Variants in C8orf82 observed in about 807,000 individuals in gnomAD.
The protein encoded by C8orf82 is chromosome 8 open reading frame 82.
In C8orf82, 24 loss-of-function variants were observed where a neutral mutation model predicts 15.0. That is an observed-to-expected ratio of 1.60 (90% CI 1.16 to 2.24). C8orf82 has a LOEUF of 2.24. C8orf82 is among the 30% of genes most tolerant of loss of function. The pLI, the probability that C8orf82 is intolerant of heterozygous loss-of-function variation, is 0.00. For missense variants in C8orf82, 388 were observed against 317.4 expected (o/e 1.22, Z -1.69); for synonymous variants, 205 against 152.2 (o/e 1.35, Z -2.55).
rs879080612 is a variant in C8orf82 at position 144,528,858 on chromosome 8, C to T, written c.59G>A (p.Arg20Gln). The T allele has an allele frequency of 6.6e-6, 10 of 1,518,840 alleles. No individual in the cohort carries two copies. Among genetic ancestry groups the T allele is most frequent in the Non-Finnish European group, 7.9e-6 (9 of 1,135,328 alleles). The allele number at this position is 1,518,840 out of a possible 1,614,324, so 94.1% of individuals were successfully genotyped here. The stretch of plus-strand genomic sequence containing the variant: ...AACGCCCCCATCCCCGCTGCAGGCC[C>T]GGGCTCCCCGCGACCGCGCCAAGGC... ...TLALARSRGARACSGDGGVSY... is the reference protein window; with the variant it reads ...TLALARSRGAQACSGDGGVSY... Residue 20 changes from arginine to glutamine, a missense_variant, in exon 1 of 3, where the codon CGG becomes CAG. Transcript: ENST00000524821.
At chr8:144,527,855 C>G (rs761873643) in intron 2 of C8orf82, 68 bp from the exon 3 acceptor site, 53 of 1,555,934 alleles carry the variant, frequency 3.4e-5, no homozygotes, top group Non-Finnish European at 4.4e-5. Context: ...AGGACCATAC[C>G]GAGGGCAGGC....
chr8:144,527,383 T>TG lies in C8orf82; in HGVS notation c.609dup (p.Met204HisfsTer49). 1 of 1,238,710 alleles carries TG rather than the reference T, an allele frequency of 8.1e-7. No individual in the cohort carries two copies. The highest frequency in any genetic ancestry group is 2.2e-5 in the South Asian group (1 of 45,056). 76.7% of individuals were successfully genotyped at this position (1,238,710 alleles called of 1,614,324 possible). A position where few individuals can be genotyped will look rare whatever the true frequency, so the allele number is the denominator to read the frequency against. Reference sequence around the variant, plus strand: ...GCGAGCAGCAGCGGGGCCAGGTCCATGGTGAGGGCGAGGCGGCGGCCCTGC... The same window carrying TG: ...GCGAGCAGCAGCGGGGCCAGGTCCATGGGTGAGGGCGAGGCGGCGGCCCTGC... On this transcript the variant is annotated frameshift_variant, in exon 3 of 3. Coordinates refer to ENST00000524821, the MANE Select transcript of C8orf82 (RefSeq NM_001001795.2). LOFTEE classifies it high-confidence loss of function.
rs977670700 is a variant in C8orf82 at position 144,527,418 on chromosome 8, T to G, written c.575A>C (p.His192Pro). 8.0e-7 allele frequency: 1 copy of G among 1,244,974 alleles called. No individual in the cohort carries two copies. The highest frequency in any genetic ancestry group is 1.0e-6 in the Non-Finnish European group (1 of 991,650). 77.1% of individuals were successfully genotyped at this position (1,244,974 alleles called of 1,614,324 possible). A position where few individuals can be genotyped will look rare whatever the true frequency, so the allele number is the denominator to read the frequency against. ...GAGGCGGCGGCCCTGCCAGCGCACG[T>G]GCGAGGGCAGCGCAGGCGCGCCGGG... ...YGPGAPALPSHVRWQGRRLAL... is the reference protein window; with the variant it reads ...YGPGAPALPSPVRWQGRRLAL... Residue 192 changes from histidine (H) to proline (P), a missense_variant, in exon 3 of 3, where the codon CAC (histidine) becomes CCC (proline). Transcript: ENST00000524821.
At chr8:144,528,003 G>C (rs1484562332) in intron 2 of C8orf82, 21 bp downstream of exon 2, 2 of 1,611,384 alleles carry the variant, frequency 1.2e-6, no homozygotes, top group South Asian at 2.2e-5. Context: ...GAAGGGGCTG[G>C]AGAGGGAGGC....
rs779683050 is a variant in C8orf82 at position 144,527,579 on chromosome 8, C to A, written c.414G>T (p.Val138=). ...SYCGGGEALA[V]PFEPARLLPL... is the part of the protein sequence containing the mutation. ...GCAGCAGGCGCGCCGGCTCGAAGGGCACGGCCAGGGCCTCGCCACCGCCGC... is the reference window on the plus strand; with the variant it reads ...GCAGCAGGCGCGCCGGCTCGAAGGGAACGGCCAGGGCCTCGCCACCGCCGC... Residue 138 remains valine (V), a synonymous_variant, in exon 3 of 3, where the codon GTG becomes GTT. Transcript: ENST00000524821. 1.1e-5 allele frequency: 17 copies of A among 1,487,282 alleles called. No homozygotes were observed. The highest frequency in any genetic ancestry group is 1.4e-5 in the Non-Finnish European group (16 of 1,124,400). The allele number at this position is 1,487,282 out of a possible 1,614,324, so 92.1% of individuals were successfully genotyped here. A position where few individuals can be genotyped will look rare whatever the true frequency, so the allele number is the denominator to read the frequency against.
In C8orf82 at chr8:144,528,887, G is replaced by A; in HGVS notation, c.30C>T (p.Thr10=). The A allele has an allele frequency of 6.6e-7, 1 of 1,515,062 alleles. No homozygotes were observed. The highest frequency in any genetic ancestry group is 8.8e-7 in the Non-Finnish European group (1 of 1,133,488). 93.9% of individuals were successfully genotyped at this position (1,515,062 alleles called of 1,614,324 possible). Residue 10 remains threonine (T), a synonymous_variant, in exon 1 of 3, where the codon ACC becomes ACT. Coordinates refer to ENST00000524821, the MANE Select transcript of C8orf82 (RefSeq NM_001001795.2). ...CTCCCCGCGACCGCGCCAAGGCCAG[G>A]GTCCGGAGCGTCCCGCAAGGCGGCC... is the stretch of plus-strand genomic sequence containing the variant. MWPPCGTLR[T]LALARSRGAR... is the part of the protein sequence containing the mutation.
At chr8:144,528,709 C>CCAA in intron 1 of C8orf82, 52 bp downstream of exon 1, 2 of 803,948 alleles carry the variant, frequency 2.5e-6, no homozygotes, top group Non-Finnish European at 3.3e-6. Context: ...CCGCCCCGCC[C>CCAA]AGAGACCTCT....
chr8:144,528,943 C>G lies in C8orf82; in HGVS notation c.-27G>C, dbSNP rs1816518451. The G allele has an allele frequency of 1.3e-6, 2 of 1,494,432 alleles. No individual in the cohort carries two copies. Among genetic ancestry groups the G allele is most frequent in the Non-Finnish European group, 1.8e-6 (2 of 1,126,128 alleles). The allele number at this position is 1,494,432 out of a possible 1,614,324, so 92.6% of individuals were successfully genotyped here. A position where few individuals can be genotyped will look rare whatever the true frequency, so the allele number is the denominator to read the frequency against. On this transcript the variant is annotated 5_prime_UTR_variant, in exon 1 of 3. Coordinates refer to ENST00000524821, the MANE Select transcript of C8orf82 (RefSeq NM_001001795.2). ...CTCCTCCCGCGCCGGAAGCGACCAG[C>G]AGGTCACGCCGGGGGCGGTGCTGCG...
chr8:144,527,978 C>G, intron 2 of C8orf82, 46 bp downstream of exon 2: 3 of 1,601,402 alleles, frequency 1.9e-6, no homozygotes, highest in Non-Finnish European at 2.6e-6. Context: ...TCAGGGGCTG[C>G]CCGGAAGGGA....
chr8:144,527,455 A>T lies in C8orf82; in HGVS notation c.538T>A (p.Phe180Ile). ...SALAFELSAC[F>I]EYGPGAPALP... is the part of the protein sequence containing the mutation. ...GCAGGCGCGCCGGGCCCGTACTCGAAGCAGGCGCTGAGCTCGAAGGCCAGG... is the reference window on the plus strand; with the variant it reads ...GCAGGCGCGCCGGGCCCGTACTCGATGCAGGCGCTGAGCTCGAAGGCCAGG... Residue 180 changes from phenylalanine to isoleucine, a missense_variant, in exon 3 of 3, where the codon TTC becomes ATC. Transcript: ENST00000524821. The T allele has an allele frequency of 8.0e-7, 1 of 1,244,406 alleles. No homozygotes were observed. The highest frequency in any genetic ancestry group is 1.0e-6 in the Non-Finnish European group (1 of 992,602). The allele number at this position is 1,244,406 out of a possible 1,614,324, so 77.1% of individuals were successfully genotyped here.
In C8orf82 at chr8:144,527,390, G is replaced by A. The variant is rs1816407586; in HGVS notation, c.603C>T (p.Ala201=). ...GCAGCGGGGCCAGGTCCATGGTGAG[G>A]GCGAGGCGGCGGCCCTGCCAGCGCA... The part of the protein sequence containing the change: ...SHVRWQGRRL[A]LTMDLAPLLL... Residue 201 remains alanine, a synonymous_variant, in exon 3 of 3, where the codon GCC becomes GCT. Coordinates refer to ENST00000524821, the MANE Select transcript of C8orf82 (RefSeq NM_001001795.2). The A allele has an allele frequency of 4.0e-6, 5 of 1,241,452 alleles. No homozygotes were observed. Among genetic ancestry groups the A allele is most frequent in the African/African-American group, 3.2e-5 (2 of 62,282 alleles). The allele number at this position is 1,241,452 out of a possible 1,614,324, so 76.9% of individuals were successfully genotyped here.
chr8:144,528,724 G>A, intron 1 of C8orf82, 37 bp downstream of exon 1: 1 of 416,548 alleles, frequency 2.4e-6, no homozygotes, highest in Non-Finnish European at 3.4e-6. Flanking sequence ...ACCTCTCCCG[G>A]CCCCGCCTCT....
In C8orf82 at chr8:144,526,576, G is replaced by A. The variant is rs1816368667; in HGVS notation, c.*766C>T. The A allele has an allele frequency of 6.6e-6, 1 of 152,300 alleles. No individual in the cohort carries two copies. The highest frequency in any genetic ancestry group is 6.5e-5 in the Admixed American group (1 of 15,292). The allele number at this position is 152,300 out of a possible 1,614,324, so 9.4% of individuals were successfully genotyped here. ...CCAGAGGACAACTCCCTAATCCGCT[G>A]GGCAGGGGCGGGGTGTCACACGCAG... On this transcript the variant is annotated 3_prime_UTR_variant, in exon 3 of 3. Coordinates refer to ENST00000524821, the MANE Select transcript of C8orf82 (RefSeq NM_001001795.2).
chr8:144,528,187 TTGTC>T (rs1283270021), intron 1 of C8orf82, 115 bp from the exon 2 acceptor site: 68 of 1,531,438 alleles, frequency 4.4e-5, no homozygotes, highest in African/African-American at 6.9e-5. Context: ...CTTTTCCTGC[TTGTC>T]TGTGCACACC....
chr8:144,528,214 G>A (rs1816453654), intron 1 of C8orf82, 142 bp from the exon 2 acceptor site: 5 of 1,490,604 alleles, frequency 3.4e-6, no homozygotes, highest in South Asian at 1.3e-5. Flanking sequence ...ATGCAGGGAG[G>A]CGCGTGAAAG....
Position 144,527,552 on chromosome 8 carries a change from G to A in C8orf82, c.441C>T (p.Pro147=), listed in dbSNP as rs1422525365. ...GGTACAGGCGCCCGTTGGCGGCCAG[G>A]GGCAGCAGGCGCGCCGGCTCGAAGG... ...AVPFEPARLL[P]LAANGRLYHP... The change falls in exon 3 of 3, where the codon CCC becomes CCT. Residue 147 remains proline (P), a synonymous_variant. Coordinates refer to ENST00000524821, the MANE Select transcript of C8orf82 (RefSeq NM_001001795.2). 7.1e-6 allele frequency: 10 copies of A among 1,415,082 alleles called. No homozygotes were observed. In the South Asian group the frequency reaches 1.0e-4, roughly 15 times the overall value. 87.7% of individuals were successfully genotyped at this position (1,415,082 alleles called of 1,614,324 possible). A position where few individuals can be genotyped will look rare whatever the true frequency, so the allele number is the denominator to read the frequency against.
In C8orf82 at chr8:144,528,061, A is replaced by T; in HGVS notation, c.168T>A (p.Asp56Glu). 1 of 1,612,854 alleles carries T rather than the reference A, an allele frequency of 6.2e-7. No homozygotes were observed. Among genetic ancestry groups the T allele is most frequent in the Non-Finnish European group, 8.5e-7 (1 of 1,179,934 alleles). ...YVDHQGQLFL[D>E]DSKMKNFITC... ...TGATGAAATTCTTCATTTTGGAATC[A>T]TCCAGGAAAAGCTGCAGATAGAGGG... Residue 56 changes from aspartate to glutamate, a missense_variant, in exon 2 of 3, where the codon GAT (aspartate) becomes GAA (glutamate). Physicochemically the swap from Asp to Glu is conservative, Grantham distance 45. Transcript: ENST00000524821.
In C8orf82 at chr8:144,527,582, G is replaced by A. The variant is rs549408186; in HGVS notation, c.411C>T (p.Ala137=). The A allele has an allele frequency of 6.7e-6, 10 of 1,496,722 alleles. No homozygotes were observed. The East Asian group carries it at 1.3e-4, about 19-fold the overall frequency. 92.7% of individuals were successfully genotyped at this position (1,496,722 alleles called of 1,614,324 possible). A position where few individuals can be genotyped will look rare whatever the true frequency, so the allele number is the denominator to read the frequency against. The change falls in exon 3 of 3, where the codon GCC becomes GCT. Residue 137 remains alanine (A), a synonymous_variant. Coordinates refer to ENST00000524821, the MANE Select transcript of C8orf82 (RefSeq NM_001001795.2). ...GCAGGCGCGCCGGCTCGAAGGGCAC[G>A]GCCAGGGCCTCGCCACCGCCGCAGT... ...LSYCGGGEAL[A]VPFEPARLLP...
Position 144,528,072 on chromosome 8 carries a change from G to A in C8orf82, c.157C>T (p.Leu53Phe), listed in dbSNP as rs768793690. The change falls in exon 2 of 3, where the codon CTT (leucine) becomes TTT (phenylalanine). Residue 53 changes from leucine (L) to phenylalanine (F), a missense_variant and splice_region_variant. Transcript: ENST00000524821. Reference sequence around the variant, plus strand: ...TTCATTTTGGAATCATCCAGGAAAAGCTGCAGATAGAGGGCCAGGCCGTGA... The same window carrying A: ...TTCATTTTGGAATCATCCAGGAAAAACTGCAGATAGAGGGCCAGGCCGTGA... Reference protein sequence around the residue: ...YFYYVDHQGQLFLDDSKMKNF... With the variant: ...YFYYVDHQGQFFLDDSKMKNF... The A allele has an allele frequency of 6.2e-7, 1 of 1,612,832 alleles. No homozygotes were observed.
Sources: allele counts gnomAD v4.1 joint callset, GRCh38; gene constraint gnomAD v4.1.1; transcripts MANE v1.5; gene names NCBI Gene and HGNC (gene_info 2026-07-23, HGNC 2026-07-21).